Variants in PTPRQ observed in about 807,000 individuals in gnomAD.
PTPRQ encodes phosphatidylinositol phosphatase PTPRQ.
In PTPRQ, 199 loss-of-function variants were observed where a neutral mutation model predicts 246.0. The observed-to-expected ratio is 0.81, with a 90% CI of 0.72 to 0.91. The LOEUF (loss-of-function observed/expected upper bound fraction) is 0.91, where lower values mean the gene tolerates loss of function less well. PTPRQ is among the 40% of genes least tolerant of loss of function. PTPRQ has a pLI of 0.00. For synonymous variants in PTPRQ, 869 were observed against 853.2 expected, an observed-to-expected ratio of 1.02 and a Z score of -0.32; for missense variants, 2,624 against 2,528.4, an observed-to-expected ratio of 1.04 and a Z score of -0.81.
intron 3 of PTPRQ, among the ~76,000 whole-genome samples, chr12:80,450,022 T>TC (rs1429745121): frequency 2.1e-4 from 32 of 152,326 alleles, no homozygotes; most frequent in South Asian, 1.9e-3. Flanking sequence ...GGAATGTTCT[T>TC]CTTTTGTTTG....
At chr12:80,526,269 A>C (rs1318982879) in intron 17 of PTPRQ, among the ~76,000 whole-genome samples, 1 of 152,162 alleles carries the variant, frequency 6.6e-6, no homozygotes, top group Non-Finnish European at 1.5e-5. Context: ...GAGAGGCTAG[A>C]TTTGGGAGCT....
chr12:80,448,170 C>A (rs1001623951), intron 3 of PTPRQ, among the ~76,000 whole-genome samples: 4 of 151,832 alleles, frequency 2.6e-5, no homozygotes, highest in Non-Finnish European at 5.9e-5. Context: ...GGATTGAATT[C>A]TTGATTTCAT....
chr12:80,600,512 C>A (rs1311531844), intron 26 of PTPRQ, among the ~76,000 whole-genome samples: 1 of 151,740 alleles, frequency 6.6e-6, no homozygotes, highest in Non-Finnish European at 1.5e-5. Flanking sequence ...CAGATACAAG[C>A]TACCGCAGAA....
intron 23 of PTPRQ, among the ~76,000 whole-genome samples, chr12:80,543,973 A>G (rs779512211): frequency 2.6e-5 from 4 of 152,114 alleles, no homozygotes; most frequent in Middle Eastern, 3.2e-3. Flanking sequence ...AAAGGAAAAA[A>G]GAATCATTTT....
intron 17 of PTPRQ, among the ~76,000 whole-genome samples, chr12:80,528,772 G>A (rs1018531940): frequency 6.6e-6 from 1 of 152,140 alleles, no homozygotes; most frequent in Non-Finnish European, 1.5e-5. Flanking sequence ...CAGTTCAAGT[G>A]CAATCCTTCC....
At chr12:80,643,140 T>TA (rs1489085683) in intron 35 of PTPRQ, among the ~76,000 whole-genome samples, 1 of 150,802 alleles carries the variant, frequency 6.6e-6, no homozygotes, top group Non-Finnish European at 1.5e-5. Context: ...TTTCCTGATT[T>TA]AAAAAAGTAT....
intron 39 of PTPRQ, among the ~76,000 whole-genome samples, chr12:80,664,536 T>C (rs1900727215): frequency 6.6e-6 from 1 of 152,068 alleles, no homozygotes; most frequent in Admixed American, 6.6e-5. Context: ...TTTTAGCAGC[T>C]AAACAAATCT....
intron 6 of PTPRQ, chr12:80,465,189 C>A (rs1184305157): frequency 6.6e-6 from 1 of 151,218 alleles, no homozygotes; most frequent in African/African-American, 2.4e-5. Context: ...ACTGATCCCA[C>A]AGAAATACAA....
intron 7 of PTPRQ, among the ~76,000 whole-genome samples, chr12:80,471,297 A>G (rs974473675): frequency 4.6e-5 from 7 of 151,970 alleles, no homozygotes; most frequent in African/African-American, 1.7e-4. Context: ...GGGAACAAAA[A>G]CAGTGTTCTC....
intron 38 of PTPRQ, among the ~76,000 whole-genome samples, chr12:80,654,046 T>TTCTTTTCTTTCTTTCTC (rs1900346704): frequency 1.4e-5 from 2 of 147,670 alleles, no homozygotes; most frequent in Non-Finnish European, 2.9e-5. Flanking sequence ...TTTTCTTTCT[T>TTCTTTTCTTTCTTTCTC]TCTTTTCTTT....
chr12:80,569,684 G>A (rs185200688), intron 25 of PTPRQ, among the ~76,000 whole-genome samples: 108 of 151,342 alleles, frequency 7.1e-4, no homozygotes, highest in African/African-American at 2.5e-3. Flanking sequence ...GTTTGCTGCC[G>A]CCATCAAACC....
chr12:80,478,663 A>G (rs970554132), intron 8 of PTPRQ, among the ~76,000 whole-genome samples: 1 of 152,194 alleles, frequency 6.6e-6, no homozygotes. Flanking sequence ...AGAATAACCA[A>G]TACAGAGAAG....
intron 26 of PTPRQ, among the ~76,000 whole-genome samples, chr12:80,591,343 G>A (rs1897796281): frequency 1.3e-5 from 2 of 151,930 alleles, no homozygotes; most frequent in South Asian, 4.2e-4. Context: ...TGCCCAAGCT[G>A]GTCTTAAACT....
chr12:80,670,497 G>A lies in PTPRQ; in HGVS notation c.6602+5G>A. On this transcript the variant is annotated splice_donor_5th_base_variant and intron_variant, in intron 42 of 44. Transcript: ENST00000644991. ...ACCTATGATTGTTCACTGCAGGTGA[G>A]AAAGTGATCAGAAATGGCCTTTGAA... 1 of 1,534,214 alleles carries A rather than the reference G, an allele frequency of 6.5e-7. No homozygotes were observed. The highest frequency in any genetic ancestry group is 8.8e-7 in the Non-Finnish European group (1 of 1,138,712).
intron 18 of PTPRQ, among the ~76,000 whole-genome samples, chr12:80,534,677 A>G (rs1164490849): frequency 6.6e-6 from 1 of 151,952 alleles, no homozygotes; most frequent in Non-Finnish European, 1.5e-5. Flanking sequence ...TGGGTAAGAA[A>G]TCTATCTGTC....
chr12:80,450,742 T>C (rs956453306), intron 3 of PTPRQ, among the ~76,000 whole-genome samples: 1 of 152,208 alleles, frequency 6.6e-6, no homozygotes, highest in Non-Finnish European at 1.5e-5. Flanking sequence ...TTGATCATTG[T>C]GGATAAGCTT....
At chr12:80,575,533 G>T (rs181387236) in intron 25 of PTPRQ, among the ~76,000 whole-genome samples, 1 of 152,208 alleles carries the variant, frequency 6.6e-6, no homozygotes, top group East Asian at 1.9e-4. Flanking sequence ...ACTGAGCTAT[G>T]AAGGTACCAC....
chr12:80,454,536 C>A, intron 3 of PTPRQ: 1 of 702,448 alleles, frequency 1.4e-6, no homozygotes. Context: ...AGACATCCTA[C>A]TTTTGTTGCA....
Position 80,539,915 on chromosome 12 carries a change from A to G in PTPRQ, c.3125A>G (p.Asp1042Gly), listed in dbSNP as rs190166486. ...TSVGNGNKSS[D>G]IIEVYTDQDI... ...GTTGGAAATGGGAATAAAAGCAGTGACATCATTGAAGTATACACAGATCAA... is the reference window on the plus strand; with the variant it reads ...GTTGGAAATGGGAATAAAAGCAGTGGCATCATTGAAGTATACACAGATCAA... The change falls in exon 20 of 45, where the codon GAC becomes GGC. Residue 1042 changes from aspartate to glycine, a missense_variant. By Grantham distance (94) the Asp-to-Gly change is moderately conservative (BLOSUM62 -1). Coordinates refer to ENST00000644991, the MANE Select transcript of PTPRQ (RefSeq NM_001145026.2). The G allele has an allele frequency of 5.9e-5, 91 of 1,548,804 alleles. No homozygotes were observed. The East Asian group carries it at 2.0e-3, about 34-fold the overall frequency.
Sources: allele counts gnomAD v4.1 joint callset (sites outside exome capture counted in the v4.1 genomes callset), GRCh38; gene constraint gnomAD v4.1.1; transcripts MANE v1.5; gene names NCBI Gene and HGNC (gene_info 2026-07-23, HGNC 2026-07-21).